Variants in FAM227B observed in about 807,000 individuals in gnomAD.
FAM227B encodes family with sequence similarity 227 member B.
FAM227B carries 88 observed loss-of-function variants against 73.8 expected under a neutral mutation model. That is an observed-to-expected ratio of 1.19 (90% confidence interval 1.00 to 1.42). The LOEUF is 1.42. Among genes scored for constraint, FAM227B ranks in the 40% most tolerant of loss-of-function variants. The pLI is 0.00. For synonymous variants in FAM227B, 210 were observed against 190.5 expected (o/e 1.10, Z -0.84); for missense variants, 632 against 590.9 (o/e 1.07, Z -0.72).
At position 49,489,881 on chromosome 15, in the gene FAM227B, T is replaced by TAG. The variant is rs1163487332; in HGVS notation, c.1012+18329_1012+18330insCT. Among the ~76,000 whole-genome samples, 51 of 16,482 alleles carry TAG rather than the reference T, an allele frequency of 3.1e-3. 7 individuals are homozygous for TAG. Among genetic ancestry groups the TAG allele is most frequent in the East Asian group, 0.013 (8 of 616 alleles). 10.8% of individuals were successfully genotyped at this position (16,482 alleles called of 152,430 possible). A position where few individuals can be genotyped will look rare whatever the true frequency, so the allele number is the denominator to read the frequency against. ...TATTTTATATATATATATATATATATATAGAGAGAGAGAGAGAGAGAGAGA... is the reference window on the plus strand; with the variant it reads ...TATTTTATATATATATATATATATATAGATAGAGAGAGAGAGAGAGAGAGAGA... On this transcript the variant is annotated intron_variant, in intron 11 of 15. Coordinates refer to ENST00000299338, the MANE Select transcript of FAM227B (RefSeq NM_152647.3).
At chr15:49,367,076 A>C (rs1217793190) in intron 13 of FAM227B, among the ~76,000 whole-genome samples, 1 of 152,226 alleles carries the variant, frequency 6.6e-6, no homozygotes, top group Non-Finnish European at 1.5e-5. Context: ...CCACAGCTAA[A>C]ACATGCCTAA....
chr15:49,424,644 G>A, intron 11 of FAM227B: 2 of 1,322,288 alleles, frequency 1.5e-6, no homozygotes, highest in Middle Eastern at 2.4e-4. Context: ...CAATTTTCAG[G>A]TGATATGTTT....
chr15:49,434,070 G>A (rs1274020759), intron 11 of FAM227B, among the ~76,000 whole-genome samples: 1 of 151,490 alleles, frequency 6.6e-6, no homozygotes, highest in Non-Finnish European at 1.5e-5. Context: ...AAGAAAGTTG[G>A]TGAATCCACT....
intron 13 of FAM227B, among the ~76,000 whole-genome samples, chr15:49,340,920 C>G (rs979357029): frequency 6.6e-6 from 1 of 152,004 alleles, no homozygotes; most frequent in African/African-American, 2.4e-5. Context: ...ATATTTAATC[C>G]ATTTTGAGTT....
chr15:49,367,650 T>C (rs113970964), intron 12 of FAM227B, 42 bp from the exon 13 acceptor site: 3 of 1,518,676 alleles, frequency 2.0e-6, no homozygotes, highest in South Asian at 2.6e-5. Context: ...ATTACTTTTG[T>C]GTTTCTAAAA....
chr15:49,408,826 T>G (rs1366687466), intron 11 of FAM227B, among the ~76,000 whole-genome samples: 8 of 151,910 alleles, frequency 5.3e-5, no homozygotes, highest in Non-Finnish European at 1.0e-4. Context: ...CATGTGTTGT[T>G]GTGGTGGTTT....
At chr15:49,548,856 T>C (rs925017651) in intron 9 of FAM227B, among the ~76,000 whole-genome samples, 3 of 152,342 alleles carry the variant, frequency 2.0e-5, no homozygotes, top group South Asian at 2.1e-4. Context: ...GCAGTATCAG[T>C]TGCAATGTCT....
At chr15:49,497,603 G>T (rs1314843272) in intron 11 of FAM227B, among the ~76,000 whole-genome samples, 4 of 152,150 alleles carry the variant, frequency 2.6e-5, no homozygotes, top group African/African-American at 9.7e-5. Context: ...AATATGAGAT[G>T]CTCAAAGTTC....
chr15:49,553,366 GGGTAAGAC>G (rs1402645591), intron 9 of FAM227B, among the ~76,000 whole-genome samples: 5 of 152,178 alleles, frequency 3.3e-5, no homozygotes, highest in Admixed American at 2.6e-4. Flanking sequence ...TGACTGCTTT[GGGTAAGAC>G]GTGAAGCCAG....
chr15:49,581,837 C>T (rs1038311916), intron 5 of FAM227B, among the ~76,000 whole-genome samples: 3 of 152,124 alleles, frequency 2.0e-5, no homozygotes, highest in Non-Finnish European at 4.4e-5. Flanking sequence ...TAAGTACATA[C>T]ACCAGTGACA....
chr15:49,422,173 CGCGCGT>C (rs2049730106), intron 11 of FAM227B, among the ~76,000 whole-genome samples: 1 of 128,612 alleles, frequency 7.8e-6, no homozygotes, highest in Non-Finnish European at 1.7e-5. Context: ...TGCGCGCGCG[CGCGCGT>C]GCACGCGTGT....
intron 11 of FAM227B, among the ~76,000 whole-genome samples, chr15:49,501,707 A>G (rs2058150430): frequency 6.6e-6 from 1 of 152,260 alleles, no homozygotes; most frequent in African/African-American, 2.4e-5. Flanking sequence ...GACTTGCTAG[A>G]GAAATTTGCA....
At chr15:49,478,334 GT>G (rs996315404) in intron 11 of FAM227B, among the ~76,000 whole-genome samples, 69 of 147,090 alleles carry the variant, frequency 4.7e-4, no homozygotes, top group Admixed American at 8.1e-4. Flanking sequence ...TTTTAACTAG[GT>G]TTTTTTTTTC....
chr15:49,614,970 T>C (rs993573372), intron 2 of FAM227B, 151 bp downstream of exon 2: 14 of 704,994 alleles, frequency 2.0e-5, no homozygotes, highest in East Asian at 5.0e-5. Flanking sequence ...ATCTCAGTGA[T>C]TGGCCATCTG....
intron 11 of FAM227B, among the ~76,000 whole-genome samples, chr15:49,458,839 T>TC (rs925548985): frequency 6.6e-6 from 1 of 151,990 alleles, no homozygotes; most frequent in East Asian, 1.9e-4. Context: ...TCAAAGTATT[T>TC]CCCCCCTGCA....
intron 11 of FAM227B, among the ~76,000 whole-genome samples, chr15:49,396,593 C>T (rs1382329282): frequency 6.6e-6 from 1 of 152,082 alleles, no homozygotes; most frequent in Non-Finnish European, 1.5e-5. Context: ...ACTTAAATGT[C>T]CCTGTCTGAC....
chr15:49,340,402 C>G (rs1429275414), intron 13 of FAM227B, among the ~76,000 whole-genome samples: 2 of 91,186 alleles, frequency 2.2e-5, no homozygotes, highest in Non-Finnish European at 4.6e-5. Context: ...GGCAGTGCCC[C>G]GCCCCCCCCC....
At chr15:49,365,894 G>A (rs1263411101) in intron 13 of FAM227B, 2 of 966,428 alleles carry the variant, frequency 2.1e-6, no homozygotes, top group Non-Finnish European at 1.7e-6. Context: ...AGTGCAGCAA[G>A]AGAGTTGTAC....
intron 11 of FAM227B, among the ~76,000 whole-genome samples, chr15:49,398,027 G>C (rs1022343389): frequency 6.6e-6 from 1 of 152,114 alleles, no homozygotes; most frequent in East Asian, 1.9e-4. Context: ...TGGACTAAAT[G>C]CTCCAATTAA....
Sources: gnomAD v4.1 joint callset for allele counts (sites outside exome capture counted in the v4.1 genomes callset) on GRCh38, gnomAD v4.1.1 for gene constraint, MANE v1.5 for transcripts, NCBI Gene and HGNC (gene_info 2026-07-23, HGNC 2026-07-21) for gene names.